TGM3: variants seen among roughly 807,000 people sequenced by gnomAD.
The protein encoded by TGM3 is transglutaminase 3.
In TGM3, 52 loss-of-function variants were observed where a neutral mutation model predicts 73.8. That is an observed-to-expected ratio of 0.70 (90% CI 0.56 to 0.89). The LOEUF is 0.89. TGM3 is among the 40% of genes least tolerant of loss of function. The pLI is 0.00. For missense variants in TGM3, 928 were observed against 909.9 expected (o/e 1.02, Z -0.26); for synonymous variants, 372 against 354.9 (o/e 1.05, Z -0.54).
In TGM3 at chr20:2,309,947, G is replaced by T. The variant is rs1208321578; in HGVS notation, c.181+117G>T. ...TGGCATTGGGTTCTAGCCTTGCTCT[G>T]TCATTGATTCAGTGTGGCCTTGGGC... On this transcript the variant is annotated intron_variant, in intron 2 of 12. Coordinates refer to ENST00000381458, the MANE Select transcript of TGM3 (RefSeq NM_003245.4). The T allele has an allele frequency of 2.1e-6, 3 of 1,460,948 alleles. No individual in the cohort carries two copies. The Admixed American group carries it at 5.9e-5, about 29-fold the overall frequency. The allele number at this position is 1,460,948 out of a possible 1,614,324, so 90.5% of individuals were successfully genotyped here. A position where few individuals can be genotyped will look rare whatever the true frequency, so the allele number is the denominator to read the frequency against.
chr20:2,312,996 CA>C lies in TGM3; in HGVS notation c.642del (p.Lys214AsnfsTer7). 1 of 1,614,164 alleles carries C rather than the reference CA, an allele frequency of 6.2e-7. No homozygotes were observed. Among genetic ancestry groups the C allele is most frequent in the Non-Finnish European group, 8.5e-7 (1 of 1,180,026 alleles). ...ATDVASRNDP[K>X]YVGRVLSAMI... ...CTGATGTGGCCAGCAGAAATGACCC[CA>C]AATACGTTGGCCGGGTGCTGAGTGC... On this transcript the variant is annotated frameshift_variant, in exon 5 of 13. Transcript: ENST00000381458. LOFTEE classifies it high-confidence loss of function.
At chr20:2,298,223 C>G (rs1440761676) in intron 1 of TGM3, among the ~76,000 whole-genome samples, 1 of 152,154 alleles carries the variant, frequency 6.6e-6, no homozygotes, top group East Asian at 1.9e-4. Context: ...CATTATTCCA[C>G]CCCTTGGTGG....
At chr20:2,307,871 T>C (rs553184579) in intron 1 of TGM3, among the ~76,000 whole-genome samples, 1 of 152,278 alleles carries the variant, frequency 6.6e-6, no homozygotes, top group African/African-American at 2.4e-5. Context: ...CCTTCATCCA[T>C]TTATTTACCT....
intron 12 of TGM3, 73 bp from the exon 13 acceptor site, chr20:2,340,361 A>C: frequency 1.3e-6 from 2 of 1,585,086 alleles, no homozygotes; most frequent in Non-Finnish European, 1.7e-6. Flanking sequence ...ACAGGACAGG[A>C]GGTCACAGGA....
Position 2,331,983 on chromosome 20 carries a change from G to A in TGM3, c.1334-19G>A. On this transcript the variant is annotated intron_variant, in intron 9 of 12. Transcript: ENST00000381458. Reference sequence around the variant, plus strand: ...GCCATCACATCCCTGGCATGTTTCTGTCTTTTCCCACCACACAGGCTCTGA... The same window carrying A: ...GCCATCACATCCCTGGCATGTTTCTATCTTTTCCCACCACACAGGCTCTGA... 1 of 1,578,606 alleles carries A rather than the reference G, an allele frequency of 6.3e-7. No individual in the cohort carries two copies. Among genetic ancestry groups the A allele is most frequent in the African/African-American group, 1.3e-5 (1 of 74,206 alleles).
intron 7 of TGM3, among the ~76,000 whole-genome samples, chr20:2,324,278 A>G (rs1455233938): frequency 6.6e-6 from 1 of 152,072 alleles, no homozygotes; most frequent in African/African-American, 2.4e-5. Context: ...AGTTATGAGC[A>G]TATTTTCCTT....
rs187497079 is a variant in TGM3, at chr20:2,323,110, G to A, written c.984-2739G>A. On this transcript the variant is annotated intron_variant, in intron 7 of 12. Coordinates refer to ENST00000381458, the MANE Select transcript of TGM3 (RefSeq NM_003245.4). ...GGTTTTTGGGGAACAGGTGGTATTC[G>A]GTTACATAAGTTCTTTAGTGGCAAT... is the stretch of plus-strand genomic sequence containing the variant. Among the ~76,000 whole-genome samples the A allele has an allele frequency of 9.2e-5, 14 of 151,908 alleles. No homozygotes were observed. In the East Asian group the frequency reaches 1.4e-3, roughly 15 times the overall value.
chr20:2,340,236 AC>A (rs544498584), intron 12 of TGM3, among the ~76,000 whole-genome samples, 197 bp from the exon 13 acceptor site: 253 of 149,870 alleles, frequency 1.7e-3, no homozygotes, highest in African/African-American at 5.5e-3. Flanking sequence ...AGATCATGGG[AC>A]CCCCCCCTCC....
intron 1 of TGM3, among the ~76,000 whole-genome samples, chr20:2,301,339 CTTCTGGGCTAAG>C (rs2122207407): frequency 6.7e-6 from 1 of 150,160 alleles, no homozygotes; most frequent in South Asian, 2.1e-4. Flanking sequence ...TGAGACCCGG[CTTCTGGGCTAAG>C]ATCTGCTTCA....
At chr20:2,336,016 G>A (rs192610858) in intron 11 of TGM3, among the ~76,000 whole-genome samples, 6 of 152,358 alleles carry the variant, frequency 3.9e-5, no homozygotes, top group Non-Finnish European at 7.3e-5. Flanking sequence ...CAAAGTGGCT[G>A]AGAACAAAGA....
intron 1 of TGM3, among the ~76,000 whole-genome samples, chr20:2,296,974 T>C (rs1253060549): frequency 6.6e-6 from 1 of 152,230 alleles, no homozygotes; most frequent in Non-Finnish European, 1.5e-5. Context: ...AGGCAAATGC[T>C]GGCTACTTCA....
intron 1 of TGM3, among the ~76,000 whole-genome samples, chr20:2,308,607 G>A (rs2084186702): frequency 1.3e-5 from 2 of 152,198 alleles, no homozygotes; most frequent in African/African-American, 4.8e-5. Flanking sequence ...AATAGCTCTT[G>A]CCAGTGAGCA....
At chr20:2,318,269 T>C (rs959812472) in intron 7 of TGM3, among the ~76,000 whole-genome samples, 2 of 152,214 alleles carry the variant, frequency 1.3e-5, no homozygotes, top group African/African-American at 4.8e-5. Context: ...TCCACCTGCC[T>C]CAGCTTCCCA....
chr20:2,338,596 C>T (rs749011082), intron 11 of TGM3, among the ~76,000 whole-genome samples: 22 of 152,312 alleles, frequency 1.4e-4, no homozygotes, highest in South Asian at 1.0e-3. Context: ...GGCTTTAGAT[C>T]CAGCTGGGCT....
At chr20:2,339,678 G>A (rs2084369619) in intron 11 of TGM3, among the ~76,000 whole-genome samples, 176 bp from the exon 12 acceptor site, 1 of 152,172 alleles carries the variant, frequency 6.6e-6, no homozygotes, top group Non-Finnish European at 1.5e-5. Context: ...TGTGTATTGG[G>A]GGGCAGGGGG....
rs759436174 is a variant in TGM3, at chr20:2,325,965, G to A, written c.1087+13G>A. On this transcript the variant is annotated intron_variant, in intron 8 of 12. Coordinates refer to ENST00000381458, the MANE Select transcript of TGM3 (RefSeq NM_003245.4). The stretch of plus-strand genomic sequence containing the variant: ...GAAAGAAGCCAAGGTAACTTCTCTG[G>A]GTGTGGTTCTGAGTCGTGAGCCTCA... 12 of 1,581,918 alleles carry A rather than the reference G, an allele frequency of 7.6e-6. No individual in the cohort carries two copies. The South Asian group carries it at 1.2e-4, about 15-fold the overall frequency.
At chr20:2,317,523 C>T in intron 7 of TGM3, 38 bp downstream of exon 7, 1 of 1,611,072 alleles carries the variant, frequency 6.2e-7, no homozygotes, top group Non-Finnish European at 8.5e-7. Context: ...TCGAGCACCA[C>T]ATTTGAGTGG....
intron 7 of TGM3, among the ~76,000 whole-genome samples, chr20:2,320,999 C>T (rs2084259720): frequency 6.6e-6 from 1 of 152,182 alleles, no homozygotes; most frequent in Non-Finnish European, 1.5e-5. Flanking sequence ...GTGCCTCCAG[C>T]TGTCAGCACC....
chr20:2,340,740 C>T lies in TGM3; in HGVS notation c.*159C>T. ...CCAGGCTCCAGCACATCCCCCTCTC[C>T]TCTCCCCCAGGTTGGGGCTGGGTCC... On this transcript the variant is annotated 3_prime_UTR_variant, in exon 13 of 13. Coordinates refer to ENST00000381458, the MANE Select transcript of TGM3 (RefSeq NM_003245.4). 1 of 955,848 alleles carries T rather than the reference C, an allele frequency of 1.0e-6. No homozygotes were observed. Among genetic ancestry groups the T allele is most frequent in the South Asian group, 1.4e-5 (1 of 69,542 alleles). 59.2% of individuals were successfully genotyped at this position (955,848 alleles called of 1,614,324 possible).
Sources: allele counts gnomAD v4.1 joint callset (sites outside exome capture counted in the v4.1 genomes callset), GRCh38; gene constraint gnomAD v4.1.1; transcripts MANE v1.5; gene names NCBI Gene and HGNC (gene_info 2026-07-23, HGNC 2026-07-21).